Variants in SPIN1 observed in about 807,000 individuals in gnomAD.
The protein encoded by SPIN1 is spindlin-1.
SPIN1 carries 3 observed loss-of-function variants against 26.0 expected under a neutral mutation model. The observed-to-expected ratio is 0.12, with a 90% CI of 0.05 to 0.30. The LOEUF is 0.30. Ranked by LOEUF, SPIN1 falls within the 10% of genes least tolerant of loss-of-function variation. The pLI is 1.00. For synonymous variants in SPIN1, 101 were observed against 116.5 expected (o/e 0.87, Z 0.86); for missense variants, 126 against 333.4 (o/e 0.38, Z 4.84).
intron 5 of SPIN1, among the ~76,000 whole-genome samples, chr9:88,470,948 A>G (rs182748094): frequency 4.5e-4 from 68 of 152,248 alleles, no homozygotes; most frequent in African/African-American, 1.6e-3. Context: ...TCCCCTGCCT[A>G]TTTTTAAATT....
intron 5 of SPIN1, among the ~76,000 whole-genome samples, chr9:88,470,302 C>CA (rs749207063): frequency 6.6e-6 from 1 of 152,150 alleles, no homozygotes; most frequent in African/African-American, 2.4e-5. Flanking sequence ...TCTGTGTGGA[C>CA]ATGTTTTATT....
rs531160972 is a variant in SPIN1, at chr9:88,468,252, C to G, written c.356-120C>G. 6.8e-5 allele frequency: 41 copies of G among 603,544 alleles called. No individual in the cohort carries two copies. The South Asian group carries it at 1.4e-3, about 21-fold the overall frequency. 37.4% of individuals were successfully genotyped at this position (603,544 alleles called of 1,614,324 possible). ...TTTAAAGCTTTCCCAGATTCTGATG[C>G]TTGCTAATACGTTGCATGGACAAAA... On this transcript the variant is annotated intron_variant, in intron 4 of 5. Transcript: ENST00000375859.
chr9:88,399,839 A>G (rs1311150340), intron 1 of SPIN1, among the ~76,000 whole-genome samples: 1 of 152,200 alleles, frequency 6.6e-6, no homozygotes, highest in Non-Finnish European at 1.5e-5. Flanking sequence ...AGGCTTTTAA[A>G]TTTTTAGCTC....
intron 1 of SPIN1, among the ~76,000 whole-genome samples, chr9:88,406,347 G>A (rs1426142426): frequency 6.7e-6 from 1 of 148,816 alleles, no homozygotes; most frequent in Non-Finnish European, 1.5e-5. Flanking sequence ...CTGAGTTGCC[G>A]TGGCGCAGAC....
intron 2 of SPIN1, among the ~76,000 whole-genome samples, chr9:88,436,026 A>G (rs1827992015): frequency 6.6e-6 from 1 of 152,228 alleles, no homozygotes; most frequent in Non-Finnish European, 1.5e-5. Context: ...TTACCCAGGT[A>G]CGAAGTTCAG....
At chr9:88,434,743 C>T (rs1827965056) in intron 2 of SPIN1, among the ~76,000 whole-genome samples, 1 of 152,076 alleles carries the variant, frequency 6.6e-6, no homozygotes, top group African/African-American at 2.4e-5. Context: ...GTTGTTTCTA[C>T]TCTTCTGCTC....
intron 2 of SPIN1, among the ~76,000 whole-genome samples, chr9:88,427,026 T>G (rs1471249281): frequency 6.6e-6 from 1 of 152,220 alleles, no homozygotes; most frequent in East Asian, 1.9e-4. Flanking sequence ...ATTACATTCA[T>G]TCTTATTTTT....
intron 2 of SPIN1, among the ~76,000 whole-genome samples, chr9:88,432,265 C>T (rs1827895049): frequency 6.8e-6 from 1 of 146,182 alleles, no homozygotes; most frequent in African/African-American, 2.5e-5. Flanking sequence ...TCTCAGCTCA[C>T]TGCAACCTCC....
chr9:88,414,453 T>C (rs1333415226), intron 1 of SPIN1, among the ~76,000 whole-genome samples: 2 of 152,228 alleles, frequency 1.3e-5, no homozygotes, highest in African/African-American at 4.8e-5. Flanking sequence ...CAACTGGAGC[T>C]GGGACAAAGG....
At chr9:88,437,342 A>G (rs937138878) in intron 2 of SPIN1, among the ~76,000 whole-genome samples, 4 of 151,978 alleles carry the variant, frequency 2.6e-5, no homozygotes, top group African/African-American at 7.2e-5. Flanking sequence ...TACAAAAAAT[A>G]CAAAAAGTAG....
intron 2 of SPIN1, among the ~76,000 whole-genome samples, chr9:88,445,235 A>G (rs1474475428): frequency 6.6e-6 from 1 of 151,808 alleles, no homozygotes; most frequent in Non-Finnish European, 1.5e-5. Context: ...ACCTCCTTCC[A>G]TCCTTGTCTA....
At chr9:88,433,026 C>G (rs1166320595) in intron 2 of SPIN1, among the ~76,000 whole-genome samples, 1 of 150,952 alleles carries the variant, frequency 6.6e-6, no homozygotes, top group African/African-American at 2.4e-5. Flanking sequence ...CTTTTTTATT[C>G]TCATACTTGT....
intron 1 of SPIN1, among the ~76,000 whole-genome samples, chr9:88,417,577 A>G (rs1827593406): frequency 6.6e-6 from 1 of 151,874 alleles, no homozygotes; most frequent in African/African-American, 2.4e-5. Flanking sequence ...GGTTCAAGCA[A>G]TTTTCCTTTC....
chr9:88,462,872 CATTAT>C (rs1828598127), intron 4 of SPIN1, 123 bp downstream of exon 4: 1 of 1,187,482 alleles, frequency 8.4e-7, no homozygotes, highest in Admixed American at 2.9e-5. Flanking sequence ...TCTTGATAAA[CATTAT>C]ATTAAATCAC....
chr9:88,461,140 G>C (rs1477797166), intron 3 of SPIN1, among the ~76,000 whole-genome samples: 2 of 152,166 alleles, frequency 1.3e-5, no homozygotes, highest in Non-Finnish European at 1.5e-5. Flanking sequence ...TACTTTCTGA[G>C]ACCTGCCGCC....
chr9:88,464,049 G>C (rs939380587), intron 4 of SPIN1, among the ~76,000 whole-genome samples: 5 of 152,146 alleles, frequency 3.3e-5, no homozygotes, highest in African/African-American at 9.7e-5. Flanking sequence ...GATAGAAACT[G>C]TACAAGTATC....
chr9:88,471,113 T>G (rs1343491188), intron 5 of SPIN1, among the ~76,000 whole-genome samples: 1 of 152,198 alleles, frequency 6.6e-6, no homozygotes, highest in Non-Finnish European at 1.5e-5. Flanking sequence ...GAAGTCCGAG[T>G]TATGTTTTCT....
chr9:88,451,771 G>C (rs1229755147), intron 3 of SPIN1, among the ~76,000 whole-genome samples: 1 of 152,162 alleles, frequency 6.6e-6, no homozygotes, highest in African/African-American at 2.4e-5. Flanking sequence ...GTGTTGGCCA[G>C]GCTGGTCTCG....
chr9:88,393,717 A>G (rs865805659), intron 1 of SPIN1, among the ~76,000 whole-genome samples: 3 of 151,750 alleles, frequency 2.0e-5, no homozygotes, highest in East Asian at 1.9e-4. Flanking sequence ...GGCCTCCCAG[A>G]GTGTTGGGAT....
Sources: allele counts gnomAD v4.1 joint callset (sites outside exome capture counted in the v4.1 genomes callset), GRCh38; gene constraint gnomAD v4.1.1; transcripts MANE v1.5; gene names NCBI Gene and HGNC (gene_info 2026-07-23, HGNC 2026-07-21).